PKD2L1: variants seen among roughly 807,000 people sequenced by gnomAD.
The protein encoded by PKD2L1 is polycystin-2-like protein 1.
Under a neutral mutation model 93.0 loss-of-function variants are expected in PKD2L1, and 77 were observed. That is an observed-to-expected ratio of 0.83 (90% CI 0.69 to 1.00). The LOEUF (loss-of-function observed/expected upper bound fraction) is 1.00, where lower values mean the gene tolerates loss of function less well. Among genes scored for constraint, PKD2L1 ranks in the 50% least tolerant of loss-of-function variants. The probability of loss-of-function intolerance (pLI) is 0.00; values close to 1 mark genes in which losing one functional copy is unlikely to be tolerated. For synonymous variants in PKD2L1, 390 were observed against 388.0 expected, an observed-to-expected ratio of 1.01 and a Z score of -0.06; for missense variants, 977 against 990.9, an observed-to-expected ratio of 0.99 and a Z score of 0.19.
intron 2 of PKD2L1, among the ~76,000 whole-genome samples, chr10:100,302,557 A>C (rs933650736): frequency 6.6e-6 from 1 of 151,706 alleles, no homozygotes; most frequent in African/African-American, 2.4e-5. Context: ...TACAAAAATT[A>C]CCCGGGCATG....
chr10:100,305,923 G>A (rs915489460), intron 2 of PKD2L1, among the ~76,000 whole-genome samples: 9 of 152,030 alleles, frequency 5.9e-5, no homozygotes, highest in Admixed American at 1.3e-4. Context: ...GGGCTCACTC[G>A]TATAATCCCA....
chr10:100,323,394 G>C (rs1849305974), intron 2 of PKD2L1, among the ~76,000 whole-genome samples: 1 of 152,078 alleles, frequency 6.6e-6, no homozygotes, highest in Non-Finnish European at 1.5e-5. Context: ...TCAGCTTCCT[G>C]AGTAGCTGGG....
In PKD2L1 at chr10:100,321,788, GAGGGAGGGAGGGAGGGAGGGAGGA is replaced by G. The variant is rs1173955140; in HGVS notation, c.349+7399_349+7422del. ...GGAGGGAGGGAGGGAGGGAGGGAGGGAGGGAGGGAGGGAGGGAGGGAGGAAGGAAGGAAAGAAAGAAAGAAGGAA... is the reference window on the plus strand; with the variant it reads ...GGAGGGAGGGAGGGAGGGAGGGAGGGAGGAAGGAAAGAAAGAAAGAAGGAA... On this transcript the variant is annotated intron_variant, in intron 2 of 15. Transcript: ENST00000318222. 4.6e-3 allele frequency among the ~76,000 whole-genome samples: 43 copies of G among 9,304 alleles called. 14 individuals carry two copies. The highest frequency in any genetic ancestry group is 0.011 in the South Asian group (2 of 190). The allele number at this position is 9,304 out of a possible 152,430, so 6.1% of individuals were successfully genotyped here. A position where few individuals can be genotyped will look rare whatever the true frequency, so the allele number is the denominator to read the frequency against.
At chr10:100,320,209 T>A (rs1485532998) in intron 2 of PKD2L1, among the ~76,000 whole-genome samples, 7 of 152,232 alleles carry the variant, frequency 4.6e-5, no homozygotes, top group Non-Finnish European at 1.0e-4. Flanking sequence ...CAGGATCAAA[T>A]GAGATGATAC....
intron 9 of PKD2L1, 93 bp downstream of exon 9, chr10:100,294,442 G>C: frequency 8.0e-6 from 11 of 1,383,198 alleles, no homozygotes; most frequent in Non-Finnish European, 9.2e-6. Context: ...TCCTTGATTT[G>C]AGAAACTTAT....
At chr10:100,321,691 GAAAGAAAGAAAGAAAGAAAGAAAGAA>G (rs1849236567) in intron 2 of PKD2L1, among the ~76,000 whole-genome samples, 2 of 1,782 alleles carry the variant, frequency 1.1e-3, no homozygotes, top group Admixed American at 5.0e-3. Context: ...AAGAAAGAAA[GAAAGAAAGAAAGAAAGAAAGAAAGAA>G]AGAAAGAAAG....
At chr10:100,296,374 T>A (rs1036834171) in intron 6 of PKD2L1, 82 bp from the exon 7 acceptor site, 9 of 1,181,282 alleles carry the variant, frequency 7.6e-6, no homozygotes, top group Non-Finnish European at 1.1e-5. Flanking sequence ...CAAGGGAGAG[T>A]CAGGGTAGGT....
At chr10:100,297,705 TGTGTGTGTG>T in intron 4 of PKD2L1, 99 bp from the exon 5 acceptor site, 1 of 43,604 alleles carries the variant, frequency 2.3e-5, no homozygotes, top group South Asian at 1.3e-4. Context: ...TTACATATTG[TGTGTGTGTG>T]TGTGTGTGTG....
rs186583397 is a variant in PKD2L1, at chr10:100,317,217, A to T, written c.349+11994T>A. 2.4e-4 allele frequency among the ~76,000 whole-genome samples: 36 copies of T among 152,330 alleles called. 1 individual carries two copies. In the East Asian group the frequency reaches 4.0e-3, roughly 17 times the overall value. ...ACACAAATAACACTTTTTATTTTTT[A>T]AAAAATACTATATTTTTTCAAACAA... On this transcript the variant is annotated intron_variant, in intron 2 of 15. Coordinates refer to ENST00000318222, the MANE Select transcript of PKD2L1 (RefSeq NM_016112.3).
intron 2 of PKD2L1, among the ~76,000 whole-genome samples, chr10:100,326,114 G>C (rs906110006): frequency 3.3e-5 from 5 of 152,144 alleles, no homozygotes; most frequent in Non-Finnish European, 5.9e-5. Context: ...AACTTTCCCA[G>C]AGATACCTCT....
At chr10:100,301,818 T>C (rs1232164738) in intron 2 of PKD2L1, among the ~76,000 whole-genome samples, 1 of 152,178 alleles carries the variant, frequency 6.6e-6, no homozygotes, top group Non-Finnish European at 1.5e-5. Flanking sequence ...AGGGTATTGA[T>C]TGGGGAAGTG....
intron 11 of PKD2L1, 130 bp from the exon 12 acceptor site, chr10:100,291,557 G>A: frequency 4.7e-6 from 4 of 846,788 alleles, no homozygotes; most frequent in Non-Finnish European, 7.3e-6. Context: ...CCAAAGTCTA[G>A]CAATCTTACC....
rs1848497940 is a variant in PKD2L1, at chr10:100,295,112, G to A, written c.1368C>T (p.Tyr456=). 1.2e-6 allele frequency: 2 copies of A among 1,613,600 alleles called. No homozygotes were observed. The highest frequency in any genetic ancestry group is 1.7e-6 in the Non-Finnish European group (2 of 1,179,628). The change falls in exon 8 of 16, where the codon TAC becomes TAT. Residue 456 remains tyrosine (Y), a synonymous_variant. Transcript: ENST00000318222. ...LFFAWIKIFK[Y]ISFNKTMTQL... ...GGGTCATGGTTTTGTTGAAGCTGAT[G>A]TACTTGAATATCTGGAAGGACCATG...
At chr10:100,321,904 C>CAAGCAAGGAAGGAAGGAAGG (rs1273641302) in intron 2 of PKD2L1, among the ~76,000 whole-genome samples, 3,097 of 9,464 alleles carry the variant, frequency 0.33, 964 homozygotes, top group Non-Finnish European at 0.45. Context: ...GGGAAGGAAG[C>CAAGCAAGGAAGGAAGGAAGG]AAGGAAGGAA....
At chr10:100,306,731 C>G (rs1430247548) in intron 2 of PKD2L1, among the ~76,000 whole-genome samples, 5 of 151,348 alleles carry the variant, frequency 3.3e-5, no homozygotes, top group African/African-American at 1.2e-4. Flanking sequence ...TTGGCACACA[C>G]CTGTAGTCCC....
chr10:100,297,193 A>G lies in PKD2L1; in HGVS notation c.972T>C (p.Phe324=), dbSNP rs1848561690. Residue 324 remains phenylalanine (F), a synonymous_variant, in exon 6 of 16, where the codon TTT becomes TTC. Transcript: ENST00000318222. ...ATGGGATGGCACCTCCTGTAGCTGGAAACTCCACCACCAGCCTATAGGGGG... is the reference window on the plus strand; with the variant it reads ...ATGGGATGGCACCTCCTGTAGCTGGGAACTCCACCACCAGCCTATAGGGGG... ...LFCVLRLVVE[F]PATGGAIPSW... 5.0e-6 allele frequency: 8 copies of G among 1,613,700 alleles called. No individual in the cohort carries two copies. The highest frequency in any genetic ancestry group is 6.8e-6 in the Non-Finnish European group (8 of 1,179,974).
rs1176914695 is a variant in PKD2L1 at position 100,321,754 on chromosome 10, AGAAGGGAGGGAGGGAG to A, written c.349+7441_349+7456del. Among the ~76,000 whole-genome samples the A allele has an allele frequency of 1.1e-3, 4 of 3,622 alleles. 1 individual carries two copies. The highest frequency in any genetic ancestry group is 7.1e-3 in the East Asian group (1 of 140). 2.4% of individuals were successfully genotyped at this position (3,622 alleles called of 152,430 possible). A position where few individuals can be genotyped will look rare whatever the true frequency, so the allele number is the denominator to read the frequency against. On this transcript the variant is annotated intron_variant, in intron 2 of 15. Coordinates refer to ENST00000318222, the MANE Select transcript of PKD2L1 (RefSeq NM_016112.3). ...AAGAAAGAAAGAAAGAAAGAAAGAA[AGAAGGGAGGGAGGGAG>A]GGAGGGAGGGAGGGAGGGAGGGAGG...
chr10:100,294,401 TC>T (rs1848471655), intron 9 of PKD2L1, 133 bp downstream of exon 9: 1 of 919,032 alleles, frequency 1.1e-6, no homozygotes, highest in South Asian at 1.5e-5. Context: ...TCTCAGAAGA[TC>T]CAGACATCGG....
intron 2 of PKD2L1, among the ~76,000 whole-genome samples, chr10:100,317,025 C>T (rs543674903): frequency 6.0e-5 from 9 of 150,978 alleles, no homozygotes; most frequent in African/African-American, 2.2e-4. Flanking sequence ...GAGGCAGTGG[C>T]TGCAGTGAGC....
Sources: allele counts gnomAD v4.1 joint callset (sites outside exome capture counted in the v4.1 genomes callset), GRCh38; gene constraint gnomAD v4.1.1; transcripts MANE v1.5; gene names NCBI Gene and HGNC (gene_info 2026-07-23, HGNC 2026-07-21).